Variants in ANPEP observed in about 807,000 individuals in gnomAD.
ANPEP encodes the protein alanyl aminopeptidase, membrane.
ANPEP carries 70 observed loss-of-function variants against 114.6 expected under a neutral mutation model. The ratio of observed to expected loss-of-function variants is 0.61; its 90% CI spans 0.50 to 0.75. The LOEUF (loss-of-function observed/expected upper bound fraction) is 0.75, where lower values mean the gene tolerates loss of function less well. ANPEP is among the 30% of genes least tolerant of loss of function. The probability of loss-of-function intolerance (pLI) is 0.00; values close to 1 mark genes in which losing one functional copy is unlikely to be tolerated. For synonymous variants in ANPEP, 548 were observed against 522.3 expected, an observed-to-expected ratio of 1.05 and a Z score of -0.67; for missense variants, 1,184 against 1,259.5, an observed-to-expected ratio of 0.94 and a Z score of 0.91.
At chr15:89,793,160 C>A in intron 15 of ANPEP, 34 bp from the exon 16 acceptor site, 1 of 1,572,024 alleles carries the variant, frequency 6.4e-7, no homozygotes, top group Non-Finnish European at 8.8e-7. Context: ...TCATCAAAGA[C>A]TCATGCCTGA....
At chr15:89,800,946 A>T (rs1308586897) in intron 12 of ANPEP, among the ~76,000 whole-genome samples, 165 bp downstream of exon 12, 1 of 152,188 alleles carries the variant, frequency 6.6e-6, no homozygotes, top group Non-Finnish European at 1.5e-5. Flanking sequence ...GCGGGATGGT[A>T]ACTTGCCCAG....
chr15:89,788,339 T>G (rs1968542850), intron 20 of ANPEP, among the ~76,000 whole-genome samples: 1 of 152,134 alleles, frequency 6.6e-6, no homozygotes, highest in African/African-American at 2.4e-5. Context: ...CTTGAAAACA[T>G]TACACTAAGT....
intron 10 of ANPEP, 27 bp from the exon 11 acceptor site, chr15:89,801,634 C>A: frequency 6.2e-7 from 1 of 1,607,640 alleles, no homozygotes; most frequent in Non-Finnish European, 8.5e-7. Flanking sequence ...AGGGCGTGGC[C>A]ATCAGTGGGA....
intron 1 of ANPEP, among the ~76,000 whole-genome samples, chr15:89,811,780 G>A (rs1487530486): frequency 4.6e-5 from 7 of 152,128 alleles, no homozygotes; most frequent in African/African-American, 1.4e-4. Context: ...CTGGCCCTGC[G>A]GGTTGTCTTT....
chr15:89,787,233 G>C (rs1057495481), intron 20 of ANPEP, among the ~76,000 whole-genome samples: 1 of 151,898 alleles, frequency 6.6e-6, no homozygotes, highest in Admixed American at 6.6e-5. Context: ...TTTTAGTAGG[G>C]ACGGGGTTTC....
In ANPEP at chr15:89,803,916, A is replaced by G. The variant is rs772414367; in HGVS notation, c.1266T>C (p.Ala422=). Residue 422 remains alanine (A), a synonymous_variant, in exon 7 of 21, where the codon GCT becomes GCC. Coordinates refer to ENST00000300060, the MANE Select transcript of ANPEP (RefSeq NM_001150.3). This position sits in a 1 kb window ranked among gnomAD's most constrained non-coding sequence, Gnocchi z 4.2. ...GFASYVEYLG[A]DYAEPTWNLK... ...AGTTCCAGGTGGGCTCCGCATAGTC[A>G]GCACCCAGGTACTCCACGTAGGAGG... The G allele has an allele frequency of 2.5e-6, 4 of 1,614,156 alleles. No individual in the cohort carries two copies. In the East Asian group the frequency reaches 8.9e-5, roughly 36 times the overall value.
chr15:89,807,315 C>T (rs947882141), intron 1 of ANPEP, among the ~76,000 whole-genome samples: 2 of 152,360 alleles, frequency 1.3e-5, no homozygotes, highest in Admixed American at 6.5e-5. Flanking sequence ...CTGAACCTCT[C>T]TCCTCATAAA....
In ANPEP at chr15:89,790,512, T is replaced by G. The variant is rs757565877; in HGVS notation, c.2699A>C (p.Asn900Thr). The G allele has an allele frequency of 1.2e-6, 2 of 1,613,446 alleles. No individual in the cohort carries two copies. Among genetic ancestry groups the G allele is most frequent in the Admixed American group, 3.3e-5 (2 of 59,938 alleles). ...TCGTCGTGTCACTGCCTGGATGAGG[T>G]TGGAGAAGGAGAACGAGCCACCACC... ...DYGGGSFSFSNLIQAVTRRFS... is the reference protein window; with the variant it reads ...DYGGGSFSFSTLIQAVTRRFS... The change falls in exon 20 of 21, where the codon AAC becomes ACC. Residue 900 changes from asparagine to threonine, a missense_variant. Asn to Thr is a moderately conservative substitution (Grantham distance 65). Coordinates refer to ENST00000300060, the MANE Select transcript of ANPEP (RefSeq NM_001150.3).
At position 89,801,271 on chromosome 15, in the gene ANPEP, G is replaced by T. The variant is rs1287525731; in HGVS notation, c.1743-84C>A. On this transcript the variant is annotated intron_variant, in intron 11 of 20. Transcript: ENST00000300060. ...GCAGCTGCCCAGGCTCCCAGCTTCT[G>T]CCCAGCTCTGGCACCGAGTGCCCCT... The T allele has an allele frequency of 6.4e-6, 10 of 1,561,438 alleles. No homozygotes were observed. In the East Asian group the frequency reaches 1.8e-4, roughly 28 times the overall value.
intron 18 of ANPEP, among the ~76,000 whole-genome samples, 165 bp from the exon 19 acceptor site, chr15:89,791,258 C>T (rs1968618969): frequency 6.6e-6 from 1 of 152,148 alleles, no homozygotes. Flanking sequence ...AGATGGAAAA[C>T]TGAGTCACCT....
chr15:89,789,621 A>G (rs1362033586), intron 20 of ANPEP, among the ~76,000 whole-genome samples: 1 of 151,686 alleles, frequency 6.6e-6, no homozygotes, highest in Non-Finnish European at 1.5e-5. Flanking sequence ...AAAAATACAA[A>G]AATTAGCCGG....
rs765211852 is a variant in ANPEP at position 89,806,098 on chromosome 15, C to G, written c.486G>C (p.Leu162=). 3 of 1,614,106 alleles carry G rather than the reference C, an allele frequency of 1.9e-6. No homozygotes were observed. In the Admixed American group the frequency reaches 5.0e-5, roughly 27 times the overall value. The part of the protein sequence containing the change: ...KTELVEPTEY[L]VVHLKGSLVK... ...CCAGGGAGCCCTTGAGGTGCACCAC[C>G]AGGTACTCGGTGGGCTCCACCAGCT... is the stretch of plus-strand genomic sequence containing the variant. The change falls in exon 2 of 21, where the codon CTG becomes CTC. Residue 162 remains leucine, a synonymous_variant. Coordinates refer to ENST00000300060, the MANE Select transcript of ANPEP (RefSeq NM_001150.3). The surrounding 1 kb of genome is among the most constrained non-coding windows in gnomAD (Gnocchi z 5.7).
chr15:89,796,574 A>G (rs1225257611), intron 15 of ANPEP, among the ~76,000 whole-genome samples: 2 of 150,286 alleles, frequency 1.3e-5, no homozygotes, highest in Non-Finnish European at 3.0e-5. Flanking sequence ...TGCAAGCTCC[A>G]CCTCCCAGGT....
At chr15:89,796,618 G>C (rs1378904364) in intron 15 of ANPEP, among the ~76,000 whole-genome samples, 2 of 151,804 alleles carry the variant, frequency 1.3e-5, no homozygotes, top group Admixed American at 6.6e-5. Flanking sequence ...CTCCCGAGTA[G>C]CTGGGACTAC....
intron 15 of ANPEP, among the ~76,000 whole-genome samples, chr15:89,796,997 A>G (rs1968740318): frequency 6.6e-6 from 1 of 152,200 alleles, no homozygotes; most frequent in Non-Finnish European, 1.5e-5. Flanking sequence ...CATCCAGAAT[A>G]AGCTCGAGTT....
Position 89,801,062 on chromosome 15 carries a change from C to T in ANPEP, c.1819+49G>A, listed in dbSNP as rs755230314. 3 of 1,544,326 alleles carry T rather than the reference C, an allele frequency of 1.9e-6. No individual in the cohort carries two copies. In the African/African-American group the frequency reaches 4.1e-5, roughly 21 times the overall value. On this transcript the variant is annotated intron_variant, in intron 12 of 20. Transcript: ENST00000300060. ...CAGCCCTCAGAACATGGGCCAGGAG[C>T]TAGGAGTATGGGGTGGGGGCTGCTG...
chr15:89,792,645 A>T, intron 16 of ANPEP, 83 bp from the exon 17 acceptor site: 1 of 1,242,900 alleles, frequency 8.0e-7, no homozygotes, highest in Non-Finnish European at 1.2e-6. Context: ...CCAGGCCGGC[A>T]CCCTGCCTAA....
intron 20 of ANPEP, among the ~76,000 whole-genome samples, 162 bp downstream of exon 20, chr15:89,790,298 T>C (rs531437453): frequency 5.9e-5 from 9 of 152,324 alleles, no homozygotes; most frequent in African/African-American, 2.2e-4. Context: ...AATTGAATTA[T>C]CAACATTTCC....
chr15:89,801,163 T>C lies in ANPEP; in HGVS notation c.1767A>G (p.Thr589=), dbSNP rs765634950. Residue 589 remains threonine (T), a synonymous_variant, in exon 12 of 21, where the codon ACA becomes ACG. Coordinates refer to ENST00000300060, the MANE Select transcript of ANPEP (RefSeq NM_001150.3). ...EFNYVWIVPI[T]SIRDGRQQQD... is the part of the protein sequence containing the mutation. ...GCTGCTGTCTGCCATCTCTGATGGA[T>C]GTGATGGGCACAATCCACACGTAGC... 11 of 1,614,172 alleles carry C rather than the reference T, an allele frequency of 6.8e-6. No homozygotes were observed. In the South Asian group the frequency reaches 8.8e-5, roughly 13 times the overall value.
Sources: gnomAD v4.1 joint callset for allele counts (sites outside exome capture counted in the v4.1 genomes callset) on GRCh38, gnomAD v4.1.1 for gene constraint, Gnocchi (gnomAD v3.1) non-coding constraint, MANE v1.5 for transcripts, NCBI Gene and HGNC (gene_info 2026-07-23, HGNC 2026-07-21) for gene names.